The following USP48 variants were observed in gnomAD, a reference collection of about 807,000 sequenced individuals.
The protein encoded by USP48 is ubiquitin specific peptidase 48, also known as ubiquitin carboxyl-terminal hydrolase 48.
Under a neutral mutation model 150.7 loss-of-function variants are expected in USP48, and 43 were observed. The ratio of observed to expected loss-of-function variants is 0.29; its 90% confidence interval spans 0.22 to 0.37. The LOEUF is 0.37. Ranked by LOEUF, USP48 falls within the 10% of genes least tolerant of loss-of-function variation. The pLI, the probability that USP48 is intolerant of heterozygous loss-of-function variation, is 1.00. For synonymous variants in USP48, 396 were observed against 425.9 expected (o/e 0.93, Z 0.86); for missense variants, 813 against 1,249.6 (o/e 0.65, Z 5.27).
At chr1:21,737,409 C>T (rs1030236197) in intron 8 of USP48, among the ~76,000 whole-genome samples, 2 of 152,102 alleles carry the variant, frequency 1.3e-5, no homozygotes, top group Admixed American at 6.6e-5. Context: ...AGTTCCTATG[C>T]TATTTTAATT....
Position 21,721,756 on chromosome 1 carries a change from G to T in USP48, c.1657C>A (p.Leu553Met). ...CGTTCTACTACACATTCCTTACACA[G>T]GGCTTTCACTACAGGCAAGAAAGAA... ...GGGPRLTVKA[L>M]CKECVVERCR... Residue 553 changes from leucine to methionine, a missense_variant, in exon 13 of 27, where the codon CTG becomes ATG. By Grantham distance (15) the Leu-to-Met change is conservative. Coordinates refer to ENST00000308271, the MANE Select transcript of USP48 (RefSeq NM_032236.8). 1 of 1,586,754 alleles carries T rather than the reference G, an allele frequency of 6.3e-7. No homozygotes were observed. Among genetic ancestry groups the T allele is most frequent in the Non-Finnish European group, 8.6e-7 (1 of 1,163,724 alleles).
intron 9 of USP48, among the ~76,000 whole-genome samples, chr1:21,734,127 G>A (rs551662474): frequency 1.1e-4 from 16 of 152,294 alleles, no homozygotes; most frequent in African/African-American, 2.6e-4. Flanking sequence ...GGTTGGGCAC[G>A]GAAGCTCATG....
intron 2 of USP48, 149 bp downstream of exon 2, chr1:21,757,514 G>C (rs1024788349): frequency 7.3e-5 from 50 of 687,404 alleles, no homozygotes; most frequent in Non-Finnish European, 1.0e-4. Flanking sequence ...TCCAATTCAA[G>C]TGGCTTAGAG....
intron 22 of USP48, among the ~76,000 whole-genome samples, chr1:21,697,401 T>C (rs140704967): frequency 0.025 from 3,838 of 150,798 alleles, 139 homozygotes; most frequent in African/African-American, 0.076. Context: ...TGGTGGCTCA[T>C]GCCTGTAATC....
rs1392733105 is a variant in USP48, at chr1:21,723,995, G to A, written c.1551C>T (p.Asp517=). The A allele has an allele frequency of 6.2e-7, 1 of 1,614,008 alleles. No individual in the cohort carries two copies. Among genetic ancestry groups the A allele is most frequent in the Non-Finnish European group, 8.5e-7 (1 of 1,180,018 alleles). Residue 517 remains aspartate, a synonymous_variant, in exon 12 of 27, where the codon GAC becomes GAT. Transcript: ENST00000308271. ...TTGATATTTTATCCGGGTGAAGCTT[G>A]TCATGGGAACACAGGCAAGCGTGAT... The part of the protein sequence containing the change: ...IDNHACLCSH[D]KLHPDKISIM...
intron 1 of USP48, among the ~76,000 whole-genome samples, chr1:21,776,878 C>A (rs1370783304): frequency 1.3e-5 from 2 of 151,328 alleles, no homozygotes; most frequent in Non-Finnish European, 2.9e-5. Context: ...ACCTGGGAGG[C>A]GGAGGCTGCA....
intron 1 of USP48, among the ~76,000 whole-genome samples, chr1:21,769,587 A>G (rs755094036): frequency 6.6e-6 from 1 of 152,014 alleles, no homozygotes; most frequent in Non-Finnish European, 1.5e-5. Flanking sequence ...TAATTTTTGT[A>G]TATTTATACA....
chr1:21,686,533 C>T (rs1216043449), intron 25 of USP48: 1 of 152,220 alleles, frequency 6.6e-6, no homozygotes, highest in Non-Finnish European at 1.5e-5. Context: ...CTCACTTGAT[C>T]ATACAGAACC....
At chr1:21,752,963 T>TAAA in intron 4 of USP48, 29 bp downstream of exon 4, 1 of 1,559,692 alleles carries the variant, frequency 6.4e-7, no homozygotes, top group Non-Finnish European at 8.6e-7. Flanking sequence ...CTCTGAATAT[T>TAAA]TAAAAAAAAA....
At chr1:21,706,987 G>A (rs1457951840) in intron 15 of USP48, 119 bp from the exon 16 acceptor site, 1 of 1,172,370 alleles carries the variant, frequency 8.5e-7, no homozygotes, top group East Asian at 2.6e-5. Flanking sequence ...CTTTGCTAAA[G>A]TTTGGTATTT....
chr1:21,779,032 T>C (rs961617035), intron 1 of USP48, among the ~76,000 whole-genome samples: 6 of 151,898 alleles, frequency 4.0e-5, no homozygotes, highest in African/African-American at 7.3e-5. Context: ...CCGCCAGCCT[T>C]GGCCTCCCAC....
intron 19 of USP48, 66 bp downstream of exon 19, chr1:21,705,661 C>T: frequency 1.7e-6 from 2 of 1,200,672 alleles, no homozygotes; most frequent in Non-Finnish European, 2.3e-6. Context: ...ATTTCCTAAA[C>T]ATATTTTATT....
chr1:21,718,472 C>T (rs891228818), intron 14 of USP48, among the ~76,000 whole-genome samples: 5 of 152,094 alleles, frequency 3.3e-5, no homozygotes, highest in African/African-American at 4.8e-5. Context: ...ATGAAAAATA[C>T]TTTTAAGCTA....
chr1:21,708,617 C>T (rs2097680289), intron 15 of USP48, among the ~76,000 whole-genome samples: 1 of 151,374 alleles, frequency 6.6e-6, no homozygotes, highest in Non-Finnish European at 1.5e-5. Flanking sequence ...GGGGCAGTGG[C>T]TCACGCCTGT....
At position 21,706,207 on chromosome 1, in the gene USP48, A is replaced by G. The variant is rs780624301; in HGVS notation, c.2212-20T>C. 1.9e-5 allele frequency: 31 copies of G among 1,611,938 alleles called. No individual in the cohort carries two copies. The Admixed American group carries it at 5.0e-4, about 26-fold the overall frequency. On this transcript the variant is annotated intron_variant, in intron 17 of 26. Transcript: ENST00000308271. The stretch of plus-strand genomic sequence containing the variant: ...CGTATCCTAGAACACAAAAATCACA[A>G]AACAGTATCCGTCAATTCACCGCCT...
intron 21 of USP48, 47 bp downstream of exon 21, chr1:21,703,465 G>T (rs1228094008): frequency 2.0e-6 from 3 of 1,473,018 alleles, no homozygotes; most frequent in Non-Finnish European, 2.8e-6. Flanking sequence ...TCAAGCCAAA[G>T]AGCACGCTTG....
At position 21,751,490 on chromosome 1, in the gene USP48, C is replaced by T; in HGVS notation, c.774+17G>A. 1 of 1,590,990 alleles carries T rather than the reference C, an allele frequency of 6.3e-7. No individual in the cohort carries two copies. Among genetic ancestry groups the T allele is most frequent in the Non-Finnish European group, 8.6e-7 (1 of 1,159,926 alleles). On this transcript the variant is annotated intron_variant, in intron 6 of 26. Coordinates refer to ENST00000308271, the MANE Select transcript of USP48 (RefSeq NM_032236.8). ...TGTTAATGGGCAGGAACAATACATA[C>T]ACCAAAATTTGAATACCTTCAAAAA... is the stretch of plus-strand genomic sequence containing the variant.
Position 21,728,163 on chromosome 1 carries a change from C to T in USP48, c.1450+407G>A, listed in dbSNP as rs182964069. ...AGTTAATCTAATAGTATCAAAAAAA[C>T]TGTATTCATATAATAGAATGTCTGT... On this transcript the variant is annotated intron_variant, in intron 11 of 26. Coordinates refer to ENST00000308271, the MANE Select transcript of USP48 (RefSeq NM_032236.8). 2.7e-4 allele frequency: 268 copies of T among 989,418 alleles called. 1 individual carries two copies. In the African/African-American group the frequency reaches 4.4e-3, roughly 16 times the overall value. The allele number at this position is 989,418 out of a possible 1,614,324, so 61.3% of individuals were successfully genotyped here. A position where few individuals can be genotyped will look rare whatever the true frequency, so the allele number is the denominator to read the frequency against.
chr1:21,742,168 C>T (rs562303896), intron 8 of USP48, among the ~76,000 whole-genome samples: 7 of 152,254 alleles, frequency 4.6e-5, no homozygotes, highest in African/African-American at 1.7e-4. Flanking sequence ...GTTCTTTCTA[C>T]TGCACTGCAC....
Sources: gnomAD v4.1 joint callset for allele counts (sites outside exome capture counted in the v4.1 genomes callset) on GRCh38, gnomAD v4.1.1 for gene constraint, MANE v1.5 for transcripts, NCBI Gene and HGNC (gene_info 2026-07-23, HGNC 2026-07-21) for gene names.